Variants in BACH2 observed in about 807,000 individuals in gnomAD.
BACH2 encodes the protein BACH transcriptional regulator 2, also known as transcription regulator protein BACH2.
In BACH2, 5 loss-of-function variants were observed where a neutral mutation model predicts 61.8. That is an observed-to-expected ratio of 0.08 (90% CI 0.04 to 0.17). The LOEUF (loss-of-function observed/expected upper bound fraction) is 0.17. Among genes scored for constraint, BACH2 ranks in the 10% least tolerant of loss-of-function variants. The pLI, the probability that BACH2 is intolerant of heterozygous loss-of-function variation, is 1.00. For missense variants in BACH2, 824 were observed against 1,091.1 expected, an observed-to-expected ratio of 0.76 and a Z score of 3.45; for synonymous variants, 446 against 440.1, an observed-to-expected ratio of 1.01 and a Z score of -0.17.
At chr6:90,247,390 C>G (rs1248031507) in intron 3 of BACH2, among the ~76,000 whole-genome samples, 1 of 150,468 alleles carries the variant, frequency 6.6e-6, no homozygotes, top group Non-Finnish European at 1.5e-5. Flanking sequence ...CATGCACCAC[C>G]ATGTACAGTT....
intron 1 of BACH2, among the ~76,000 whole-genome samples, chr6:90,285,069 G>A (rs1771976350): frequency 6.6e-6 from 1 of 152,194 alleles, no homozygotes; most frequent in Non-Finnish European, 1.5e-5. Flanking sequence ...ATGATGATTG[G>A]ATCAACTTGT....
chr6:90,158,279 T>C (rs1263954503), intron 4 of BACH2, among the ~76,000 whole-genome samples: 1 of 152,142 alleles, frequency 6.6e-6, no homozygotes, highest in African/African-American at 2.4e-5. Context: ...TATTAGACCA[T>C]TTGTTCACAT....
At chr6:90,007,268 G>T (rs1777459279) in intron 6 of BACH2, among the ~76,000 whole-genome samples, 1 of 151,876 alleles carries the variant, frequency 6.6e-6, no homozygotes, top group East Asian at 1.9e-4. Flanking sequence ...TAGAGATGGG[G>T]TTTCACCATG....
In BACH2 at chr6:89,932,140, T is replaced by C. The variant is rs1305916260; in HGVS notation, c.*268A>G. On this transcript the variant is annotated 3_prime_UTR_variant, in exon 9 of 9. Transcript: ENST00000257749. Reference sequence around the variant, plus strand: ...CTAGAGGTGTTGTAGTCTATCCCTGTGAAGACTGAAATTGAGCCACAGACA... The same window carrying C: ...CTAGAGGTGTTGTAGTCTATCCCTGCGAAGACTGAAATTGAGCCACAGACA... The C allele has an allele frequency of 1.3e-5, 5 of 382,164 alleles. No homozygotes were observed. The highest frequency in any genetic ancestry group is 2.4e-5 in the Non-Finnish European group (5 of 209,306). 23.7% of individuals were successfully genotyped at this position (382,164 alleles called of 1,614,324 possible). A position where few individuals can be genotyped will look rare whatever the true frequency, so the allele number is the denominator to read the frequency against.
chr6:90,006,988 G>A (rs1777440083), intron 6 of BACH2, among the ~76,000 whole-genome samples: 1 of 151,966 alleles, frequency 6.6e-6, no homozygotes. Context: ...GCTTAACAAG[G>A]GTCTGGGATT....
intron 4 of BACH2, among the ~76,000 whole-genome samples, chr6:90,199,603 G>A (rs967507879): frequency 7.9e-5 from 12 of 151,868 alleles, no homozygotes; most frequent in African/African-American, 2.2e-4. Context: ...ATTTTCTTCC[G>A]GAAACTTCAC....
intron 6 of BACH2, among the ~76,000 whole-genome samples, chr6:89,974,862 C>T (rs531731897): frequency 1.3e-5 from 2 of 152,276 alleles, no homozygotes; most frequent in African/African-American, 4.8e-5. Context: ...AAAGTAGACA[C>T]GTATGTATCT....
chr6:90,218,920 CGTGTGTGTGTGTGTGTGTGT>C (rs3221352), intron 3 of BACH2, among the ~76,000 whole-genome samples: 4 of 140,400 alleles, frequency 2.8e-5, no homozygotes, highest in African/African-American at 1.1e-4. Flanking sequence ...GTTTCCTTTC[CGTGTGTGTGTGTGTGTGTGT>C]GTGTGTGTGT....
intron 4 of BACH2, among the ~76,000 whole-genome samples, chr6:90,180,622 A>G (rs78903454): frequency 0.1 from 15,401 of 152,126 alleles, 913 homozygotes; most frequent in South Asian, 0.17. Flanking sequence ...AAGTGAGAAC[A>G]TGGTATTTAG....
At chr6:89,957,090 A>T (rs1335066606) in intron 6 of BACH2, among the ~76,000 whole-genome samples, 1 of 152,236 alleles carries the variant, frequency 6.6e-6, no homozygotes, top group African/African-American at 2.4e-5. Context: ...AGGGCTTTTT[A>T]AAACGCTAGA....
At chr6:90,024,897 C>T (rs949733626) in intron 5 of BACH2, among the ~76,000 whole-genome samples, 2 of 152,090 alleles carry the variant, frequency 1.3e-5, no homozygotes, top group African/African-American at 4.8e-5. Context: ...TTTCCATGGC[C>T]AAAACAGTGC....
rs547216991 is a variant in BACH2, at chr6:89,927,915, G to A, written c.*4493C>T. On this transcript the variant is annotated 3_prime_UTR_variant, in exon 9 of 9. Transcript: ENST00000257749. ...CTGTTCTACAGCATCGGTTTTGGACGCTGGGGTCATGAGATGGCTCAGGCA... is the reference window on the plus strand; with the variant it reads ...CTGTTCTACAGCATCGGTTTTGGACACTGGGGTCATGAGATGGCTCAGGCA... The A allele has an allele frequency of 2.6e-5, 4 of 152,392 alleles. No homozygotes were observed. Among genetic ancestry groups the A allele is most frequent in the Admixed American group, 6.5e-5 (1 of 15,280 alleles). The allele number at this position is 152,392 out of a possible 1,614,324, so 9.4% of individuals were successfully genotyped here.
At chr6:90,099,211 G>C (rs533214986) in intron 4 of BACH2, among the ~76,000 whole-genome samples, 1 of 152,094 alleles carries the variant, frequency 6.6e-6, no homozygotes, top group African/African-American at 2.4e-5. Flanking sequence ...TGTTCAGTTC[G>C]GGACAGGGTT....
intron 2 of BACH2, among the ~76,000 whole-genome samples, chr6:90,266,743 G>T (rs1771345648): frequency 6.6e-6 from 1 of 152,118 alleles, no homozygotes; most frequent in South Asian, 2.1e-4. Context: ...GGTTTCCAGG[G>T]GTTGAGGGAT....
intron 3 of BACH2, among the ~76,000 whole-genome samples, chr6:90,247,535 A>G (rs1271202723): frequency 6.6e-6 from 1 of 152,092 alleles, no homozygotes; most frequent in African/African-American, 2.4e-5. Flanking sequence ...AGTCACAAGT[A>G]TCATTTTCCT....
chr6:90,054,825 T>C (rs1780244828), intron 5 of BACH2, among the ~76,000 whole-genome samples: 1 of 152,338 alleles, frequency 6.6e-6, no homozygotes, highest in African/African-American at 2.4e-5. Context: ...CAATATCTGC[T>C]GTTCTGCAGC....
intron 4 of BACH2, among the ~76,000 whole-genome samples, chr6:90,205,188 A>G (rs1484409829): frequency 6.6e-6 from 1 of 152,214 alleles, no homozygotes; most frequent in Non-Finnish European, 1.5e-5. Context: ...CAACAGGGAA[A>G]TGGGCTTTCT....
intron 1 of BACH2, among the ~76,000 whole-genome samples, chr6:90,281,021 C>A (rs545323332): frequency 3.9e-5 from 6 of 152,312 alleles, no homozygotes; most frequent in Admixed American, 3.9e-4. Context: ...ACAGAAAATG[C>A]TCCCTCTGTG....
chr6:90,039,760 C>T (rs1779439749), intron 5 of BACH2, among the ~76,000 whole-genome samples: 1 of 152,176 alleles, frequency 6.6e-6, no homozygotes, highest in Non-Finnish European at 1.5e-5. Flanking sequence ...CAAAAAACCC[C>T]TGCCTGTTTG....
Sources: allele counts gnomAD v4.1 joint callset (sites outside exome capture counted in the v4.1 genomes callset), GRCh38; gene constraint gnomAD v4.1.1; transcripts MANE v1.5; gene names NCBI Gene and HGNC (gene_info 2026-07-23, HGNC 2026-07-21).